NUP98: variants seen among roughly 807,000 people sequenced by gnomAD.
NUP98 encodes nucleoporin 98 and 96 precursor, also known as nuclear pore complex protein Nup98-Nup96.
In NUP98, 26 loss-of-function variants were observed where a neutral mutation model predicts 191.9. The observed-to-expected ratio is 0.14, with a 90% CI of 0.10 to 0.19. The LOEUF (loss-of-function observed/expected upper bound fraction) is 0.19, where lower values mean the gene tolerates loss of function less well. Among genes scored for constraint, NUP98 ranks in the 10% least tolerant of loss-of-function variants. The pLI is 1.00. For synonymous variants in NUP98, 808 were observed against 778.4 expected, an observed-to-expected ratio of 1.04 and a Z score of -0.63; for missense variants, 1,941 against 2,178.8, an observed-to-expected ratio of 0.89 and a Z score of 2.17.
chr11:3,775,009 A>T (rs1235324345), intron 5 of NUP98, among the ~76,000 whole-genome samples: 1 of 152,156 alleles, frequency 6.6e-6, no homozygotes, highest in African/African-American at 2.4e-5. Flanking sequence ...CCTCCAGCAT[A>T]CCCTAAGAAT....
chr11:3,730,944 T>C (rs770258294), intron 14 of NUP98, among the ~76,000 whole-genome samples: 11 of 152,222 alleles, frequency 7.2e-5, no homozygotes, highest in Non-Finnish European at 1.6e-4. Flanking sequence ...TTATTCTTCT[T>C]TGTGATGTTC....
chr11:3,755,911 C>CA, intron 10 of NUP98, among the ~76,000 whole-genome samples: 1 of 150,806 alleles, frequency 6.6e-6, no homozygotes, highest in Non-Finnish European at 1.5e-5. Context: ...TGCAGTGAGC[C>CA]AAAATCACGC....
At chr11:3,720,360 C>G (rs994998430) in intron 17 of NUP98, among the ~76,000 whole-genome samples, 14 of 151,818 alleles carry the variant, frequency 9.2e-5, no homozygotes, top group African/African-American at 3.1e-4. Context: ...TTAAAATGAC[C>G]CAAATAGTTA....
chr11:3,713,874 T>G lies in NUP98; in HGVS notation c.2521A>C (p.Lys841Gln), dbSNP rs1264745300. The G allele has an allele frequency of 6.2e-7, 1 of 1,614,174 alleles. No individual in the cohort carries two copies. The highest frequency in any genetic ancestry group is 8.5e-7 in the Non-Finnish European group (1 of 1,180,016). ...YEGRLEAVSR[K>Q]QGAQFKEYRP... ...TATTCTTTGAATTGAGCTCCCTGTTTCCTTGAAACTGCTTCCAATCTTCCT... is the reference window on the plus strand; with the variant it reads ...TATTCTTTGAATTGAGCTCCCTGTTGCCTTGAAACTGCTTCCAATCTTCCT... Residue 841 changes from lysine (K) to glutamine (Q), a missense_variant, in exon 19 of 33, where the codon AAA (lysine) becomes CAA (glutamine). Lys to Gln is a moderately conservative substitution (Grantham distance 53, BLOSUM62 1). Around this residue, in one of 6 missense-constraint regions of NUP98, gnomAD observed 95 missense variants for 139.7 expected, o/e 0.68. Transcript: ENST00000324932.
At chr11:3,697,961 A>G (rs1156544892) in intron 25 of NUP98, among the ~76,000 whole-genome samples, 1 of 152,156 alleles carries the variant, frequency 6.6e-6, no homozygotes, top group Non-Finnish European at 1.5e-5. Context: ...GAGTACCTCA[A>G]CCCAGAAATT....
chr11:3,758,238 G>A (rs939111574), intron 10 of NUP98, among the ~76,000 whole-genome samples: 5 of 150,902 alleles, frequency 3.3e-5, no homozygotes, highest in East Asian at 2.0e-4. Flanking sequence ...GGAGAATGGC[G>A]TGAACCCAGG....
chr11:3,770,470 C>A (rs1177779647), intron 7 of NUP98, among the ~76,000 whole-genome samples: 3 of 151,542 alleles, frequency 2.0e-5, no homozygotes, highest in African/African-American at 7.3e-5. Context: ...GGGAGTAAGA[C>A]CCTAAAACCC....
chr11:3,782,239 T>C, intron 1 of NUP98, 94 bp from the exon 2 acceptor site: 1 of 655,838 alleles, frequency 1.5e-6, no homozygotes, highest in Non-Finnish European at 2.6e-6. Context: ...TTAGGCCTAT[T>C]CGAACTATAG....
chr11:3,695,485 C>G lies in NUP98; in HGVS notation c.4131G>C (p.Glu1377Asp), dbSNP rs1184800744. Residue 1377 changes from glutamate (E) to aspartate (D), a missense_variant, in exon 26 of 33, where the codon GAG becomes GAC. Physicochemically the swap from Glu to Asp is conservative, Grantham distance 45. This residue lies in a region of NUP98 where 1,030 missense variants were observed against 1,115.8 expected (regional missense o/e 0.92). Coordinates refer to ENST00000324932, the MANE Select transcript of NUP98 (RefSeq NM_016320.5). The part of the protein sequence containing the change: ...QLQADSFIQD[E>D]RLRIFALLAG... ...CCAACAGAGCAAAGATGCGCAGTCT[C>G]TCATCCTGGATGAAGGAGTCTGCTT... The G allele has an allele frequency of 1.2e-6, 2 of 1,605,008 alleles. No homozygotes were observed. The highest frequency in any genetic ancestry group is 1.7e-6 in the Non-Finnish European group (2 of 1,175,270).
intron 1 of NUP98, among the ~76,000 whole-genome samples, chr11:3,788,080 TA>T (rs2082204132): frequency 6.6e-6 from 1 of 152,192 alleles, no homozygotes; most frequent in Admixed American, 6.5e-5. Context: ...TTATGCAATA[TA>T]TTTGTTATTA....
rs191664303 is a variant in NUP98 at position 3,789,995 on chromosome 11, G to A, written c.-29+7405C>T. ...ACATGGGGTTTCACCAAGTTGGCCA[G>A]GATGGTCTCGATCTTCCGACCTCGT... On this transcript the variant is annotated intron_variant, in intron 1 of 32. Coordinates refer to ENST00000324932, the MANE Select transcript of NUP98 (RefSeq NM_016320.5). 3.5e-4 allele frequency among the ~76,000 whole-genome samples: 54 copies of A among 152,256 alleles called. No homozygotes were observed. In the East Asian group the frequency reaches 0.01, roughly 28 times the overall value.
At chr11:3,760,752 A>G in intron 9 of NUP98, 126 bp from the exon 10 acceptor site, 1 of 644,474 alleles carries the variant, frequency 1.6e-6, no homozygotes, top group Non-Finnish European at 2.6e-6. Context: ...CATTCATAAA[A>G]AAGGTAGAAA....
chr11:3,776,084 T>C (rs543443281), intron 4 of NUP98, 63 bp from the exon 5 acceptor site: 16 of 1,312,570 alleles, frequency 1.2e-5, no homozygotes, highest in African/African-American at 5.9e-5. Context: ...ATAAGATGCA[T>C]TGGAATTGGG....
chr11:3,734,076 C>A (rs1427738045), intron 13 of NUP98, among the ~76,000 whole-genome samples: 1 of 151,112 alleles, frequency 6.6e-6, no homozygotes, highest in Non-Finnish European at 1.5e-5. Context: ...GCTCTTGTTG[C>A]CCAGGCTGGA....
chr11:3,694,626 G>C (rs1207969825), intron 26 of NUP98, among the ~76,000 whole-genome samples: 1 of 151,990 alleles, frequency 6.6e-6, no homozygotes, highest in Non-Finnish European at 1.5e-5. Context: ...TGTAGTCTCA[G>C]CTACTCAGGA....
In NUP98 at chr11:3,773,688, T is replaced by C; in HGVS notation, c.547A>G (p.Ser183Gly). 6.2e-7 allele frequency: 1 copy of C among 1,613,732 alleles called. No homozygotes were observed. The highest frequency in any genetic ancestry group is 8.5e-7 in the Non-Finnish European group (1 of 1,179,798). ...GCAGTAATACACTGGTGCTTGGTACTTATGTTAGTGCTAACTCCAGCTTTG... is the reference window on the plus strand; with the variant it reads ...GCAGTAATACACTGGTGCTTGGTACCTATGTTAGTGCTAACTCCAGCTTTG... ...MVKAGVSTNI[S>G]TKHQCITAMK... is the part of the protein sequence containing the mutation. Residue 183 changes from serine to glycine, a missense_variant, in exon 6 of 33, where the codon AGT becomes GGT. Ser to Gly is a moderately conservative substitution (Grantham distance 56). This residue lies in a region of NUP98 where 28 missense variants were observed against 74.0 expected (regional missense o/e 0.38). Coordinates refer to ENST00000324932, the MANE Select transcript of NUP98 (RefSeq NM_016320.5).
chr11:3,738,692 T>C (rs976701937), intron 12 of NUP98, among the ~76,000 whole-genome samples: 1 of 150,190 alleles, frequency 6.7e-6, no homozygotes, highest in Non-Finnish European at 1.5e-5. Context: ...GACAGGAGAA[T>C]TGTCTGAACC....
chr11:3,746,531 C>G (rs1209137033), intron 11 of NUP98, among the ~76,000 whole-genome samples: 2 of 151,708 alleles, frequency 1.3e-5, no homozygotes, highest in East Asian at 1.9e-4. Flanking sequence ...GTGTATTGCC[C>G]TCACCTTTAC....
At position 3,753,391 on chromosome 11, in the gene NUP98, T is replaced by C. The variant is rs144302699; in HGVS notation, c.1192A>G (p.Ser398Gly). The change falls in exon 11 of 33, where the codon AGT (serine) becomes GGT (glycine). Residue 398 changes from serine to glycine, a missense_variant. Physicochemically the swap from Ser to Gly is moderately conservative, Grantham distance 56. Transcript: ENST00000324932. ...GGLFGFGTNT[S>G]GNSIFGSKPA... Reference sequence around the variant, plus strand: ...TTACTTCCAAAAATACTATTCCCACTGGTATTTGTGCCAAAACCTAGGAAG... The same window carrying C: ...TTACTTCCAAAAATACTATTCCCACCGGTATTTGTGCCAAAACCTAGGAAG... The C allele has an allele frequency of 3.8e-4, 608 of 1,613,782 alleles. 6 individuals are homozygous for C. In the East Asian group the frequency reaches 0.013, roughly 36 times the overall value.
Sources: allele counts gnomAD v4.1 joint callset (sites outside exome capture counted in the v4.1 genomes callset), GRCh38; gene constraint gnomAD v4.1.1; regional missense constraint gnomAD v4.1.1; transcripts MANE v1.5; gene names NCBI Gene and HGNC (gene_info 2026-07-23, HGNC 2026-07-21).